Variants in TBC1D5 observed in about 807,000 individuals in gnomAD.
The protein encoded by TBC1D5 is TBC1 domain family member 5, also known as TBC1 domain family, member 5.
Under a neutral mutation model 100.3 loss-of-function variants are expected in TBC1D5, and 75 were observed. That is an observed-to-expected ratio of 0.75 (90% CI 0.62 to 0.91). The LOEUF (loss-of-function observed/expected upper bound fraction) is 0.91, where lower values mean the gene tolerates loss of function less well. TBC1D5 is among the 40% of genes least tolerant of loss of function. TBC1D5 has a pLI of 0.00. For missense variants in TBC1D5, 910 were observed against 942.4 expected (o/e 0.97, Z 0.45); for synonymous variants, 323 against 325.6 (o/e 0.99, Z 0.09).
At chr3:17,705,610 G>A (rs1204180453) in intron 1 of TBC1D5, among the ~76,000 whole-genome samples, 1 of 131,736 alleles carries the variant, frequency 7.6e-6, no homozygotes, top group Non-Finnish European at 1.7e-5. Context: ...ATCCCAGATG[G>A]GGCGGCGGGG....
chr3:17,600,863 A>T (rs1419499237), intron 2 of TBC1D5, among the ~76,000 whole-genome samples: 3 of 152,216 alleles, frequency 2.0e-5, no homozygotes, highest in Non-Finnish European at 4.4e-5. Flanking sequence ...ATCTTTTTTT[A>T]AAATAATCCT....
intron 13 of TBC1D5, among the ~76,000 whole-genome samples, chr3:17,360,669 T>C (rs937463567): frequency 1.3e-5 from 2 of 151,998 alleles, no homozygotes; most frequent in South Asian, 4.1e-4. Flanking sequence ...GAAATATGCA[T>C]AGCAATCTTT....
At chr3:17,620,484 A>T (rs2062568794) in intron 2 of TBC1D5, among the ~76,000 whole-genome samples, 1 of 152,266 alleles carries the variant, frequency 6.6e-6, no homozygotes, top group African/African-American at 2.4e-5. Flanking sequence ...GAATGAGGAA[A>T]ATCTCTACAA....
At chr3:17,741,397 T>G (rs1342625145), upstream of TBC1D5, among the ~76,000 whole-genome samples, 1 of 152,350 alleles carries the variant, frequency 6.6e-6, no homozygotes, top group East Asian at 1.9e-4. Flanking sequence ...ATAAATGAAT[T>G]TCTTTGCCAC....
intron 16 of TBC1D5, among the ~76,000 whole-genome samples, chr3:17,239,554 T>G (rs1034939359): frequency 2.0e-5 from 3 of 152,222 alleles, no homozygotes; most frequent in Admixed American, 2.0e-4. Flanking sequence ...AAGCTCCAGC[T>G]GTGGCCTATT....
At chr3:17,548,185 C>G (rs1246136998) in intron 2 of TBC1D5, among the ~76,000 whole-genome samples, 2 of 152,002 alleles carry the variant, frequency 1.3e-5, no homozygotes, top group African/African-American at 2.4e-5. Context: ...CATGGTGGCA[C>G]GTGCCTGTAG....
intron 1 of TBC1D5, among the ~76,000 whole-genome samples, chr3:17,722,987 A>G (rs891914082): frequency 2.6e-5 from 4 of 152,192 alleles, no homozygotes; most frequent in African/African-American, 9.7e-5. Context: ...TGTGGTTTGC[A>G]TTTTACCATT....
At chr3:17,335,049 T>G (rs116149161) in intron 13 of TBC1D5, among the ~76,000 whole-genome samples, 3,350 of 152,256 alleles carry the variant, frequency 0.022, 117 homozygotes, top group African/African-American at 0.075. Context: ...AGCCTTAAAA[T>G]CTGGTTATAT....
At chr3:17,674,837 C>A (rs1577385212) in intron 1 of TBC1D5, among the ~76,000 whole-genome samples, 1 of 151,886 alleles carries the variant, frequency 6.6e-6, no homozygotes, top group Non-Finnish European at 1.5e-5. Flanking sequence ...AATAAGGTCA[C>A]AAGGTGGGGA....
At chr3:17,575,209 T>G (rs2096650289) in intron 2 of TBC1D5, 2 of 151,210 alleles carry the variant, frequency 1.3e-5, no homozygotes, top group Admixed American at 1.3e-4. Flanking sequence ...GTACCTGTAG[T>G]GGGGGCTGAG....
intron 2 of TBC1D5, among the ~76,000 whole-genome samples, chr3:17,590,350 C>G (rs1467505926): frequency 1.3e-5 from 2 of 152,280 alleles, no homozygotes; most frequent in South Asian, 2.1e-4. Flanking sequence ...GGAGTTAAAA[C>G]AGGTTCTAGT....
At chr3:17,673,101 T>C (rs1457745934) in intron 1 of TBC1D5, among the ~76,000 whole-genome samples, 1 of 152,130 alleles carries the variant, frequency 6.6e-6, no homozygotes, top group African/African-American at 2.4e-5. Context: ...AATGGAATAT[T>C]TCAGTTAGGT....
chr3:17,679,551 G>A (rs1386154929), intron 1 of TBC1D5, among the ~76,000 whole-genome samples: 1 of 151,468 alleles, frequency 6.6e-6, no homozygotes, highest in Non-Finnish European at 1.5e-5. Flanking sequence ...AAATCCTGCT[G>A]TGTATTTGCA....
intron 2 of TBC1D5, among the ~76,000 whole-genome samples, chr3:17,515,162 C>A (rs1466870413): frequency 6.6e-6 from 1 of 151,988 alleles, no homozygotes; most frequent in Non-Finnish European, 1.5e-5. Context: ...ACTCTTCATA[C>A]AAACATCAAA....
At chr3:17,479,046 G>T (rs1324333993) in intron 3 of TBC1D5, among the ~76,000 whole-genome samples, 2 of 152,178 alleles carry the variant, frequency 1.3e-5, no homozygotes, top group East Asian at 3.8e-4. Flanking sequence ...AAATATTAAT[G>T]CTTGGTAAAT....
chr3:17,705,988 T>TA, intron 1 of TBC1D5: 1 of 1,464,860 alleles, frequency 6.8e-7, no homozygotes, highest in Non-Finnish European at 9.1e-7. Context: ...TTACTCTTTT[T>TA]TTTTTTTGAG....
chr3:17,669,557 C>T (rs532469948), intron 1 of TBC1D5, among the ~76,000 whole-genome samples: 83 of 152,184 alleles, frequency 5.5e-4, no homozygotes, highest in African/African-American at 2.0e-3. Flanking sequence ...AAGAAAAAAA[C>T]TAAATCACTA....
chr3:17,591,267 CAAA>C (rs370530999), intron 2 of TBC1D5, among the ~76,000 whole-genome samples: 2 of 78,306 alleles, frequency 2.6e-5, no homozygotes, highest in African/African-American at 1.1e-4. Context: ...AAAAAAAAAA[CAAA>C]AACCCCAGAG....
At chr3:17,418,763 G>A (rs553993943) in intron 4 of TBC1D5, among the ~76,000 whole-genome samples, 5 of 152,252 alleles carry the variant, frequency 3.3e-5, no homozygotes, top group African/African-American at 1.2e-4. Context: ...TGTCTTCATA[G>A]GTAAGGGCAT....
Sources: allele counts gnomAD v4.1 joint callset (sites outside exome capture counted in the v4.1 genomes callset), GRCh38; gene constraint gnomAD v4.1.1; transcripts MANE v1.5; gene names NCBI Gene and HGNC (gene_info 2026-07-23, HGNC 2026-07-21).